HPSE2: variants seen among roughly 807,000 people sequenced by gnomAD.
The protein encoded by HPSE2 is heparanase 2 (inactive).
A neutral mutation model predicts 60.5 loss-of-function variants in HPSE2; 38 were observed. That is an observed-to-expected ratio of 0.63 (90% CI 0.48 to 0.82). HPSE2 has a LOEUF of 0.82. HPSE2 is among the 40% of genes least tolerant of loss of function. HPSE2 has a pLI of 0.00. For missense variants in HPSE2, 713 were observed against 740.4 expected (o/e 0.96, Z 0.43); for synonymous variants, 295 against 293.2 (o/e 1.01, Z -0.06).
intron 9 of HPSE2, among the ~76,000 whole-genome samples, chr10:98,517,733 T>C (rs775689950): frequency 1.3e-5 from 2 of 152,176 alleles, no homozygotes; most frequent in Non-Finnish European, 2.9e-5. Flanking sequence ...TAGAAAAGCA[T>C]GGCGTTTGGA....
chr10:98,580,400 T>A (rs980617487), intron 9 of HPSE2, among the ~76,000 whole-genome samples: 2 of 152,120 alleles, frequency 1.3e-5, no homozygotes, highest in African/African-American at 4.8e-5. Context: ...TAGGGGAACC[T>A]TCTCATCTCC....
chr10:98,667,158 C>A (rs1398267190), intron 6 of HPSE2, among the ~76,000 whole-genome samples: 1 of 152,020 alleles, frequency 6.6e-6, no homozygotes, highest in Non-Finnish European at 1.5e-5. Context: ...CCTCTATGTA[C>A]ACAAAGTAGA....
chr10:98,504,380 A>C (rs1322020699), intron 9 of HPSE2, among the ~76,000 whole-genome samples: 1 of 152,084 alleles, frequency 6.6e-6, no homozygotes, highest in East Asian at 1.9e-4. Flanking sequence ...ACTCTCATTT[A>C]AATTTTTTTC....
intron 2 of HPSE2, among the ~76,000 whole-genome samples, chr10:99,174,727 G>T (rs1351764335): frequency 6.6e-6 from 1 of 152,190 alleles, no homozygotes; most frequent in Non-Finnish European, 1.5e-5. Flanking sequence ...ATTGTATTTG[G>T]AGACAGGGCC....
In HPSE2 at chr10:98,705,667, A is replaced by G. The variant is rs536204645; in HGVS notation, c.957-11720T>C. Among the ~76,000 whole-genome samples the G allele has an allele frequency of 4.4e-4, 67 of 152,272 alleles. 1 individual carries two copies. The highest frequency in any genetic ancestry group is 1.6e-3 in the African/African-American group (67 of 41,568). ...AACTAACACAGGAACAGAAAACCAA[A>G]CACTGCATGTTCTCACTCATAAGTG... is the stretch of plus-strand genomic sequence containing the variant. On this transcript the variant is annotated intron_variant, in intron 5 of 11. Coordinates refer to ENST00000370552, the MANE Select transcript of HPSE2 (RefSeq NM_021828.5).
At chr10:98,680,494 C>T (rs1947756272) in intron 6 of HPSE2, among the ~76,000 whole-genome samples, 4 of 152,144 alleles carry the variant, frequency 2.6e-5, no homozygotes, top group Admixed American at 2.6e-4. Context: ...GGTAAAACTG[C>T]AGGTACCTTA....
the HPSE2 span, among the ~76,000 whole-genome samples, chr10:99,310,976 T>G: frequency 1.3e-5 from 2 of 152,138 alleles, no homozygotes; most frequent in Non-Finnish European, 2.9e-5. Context: ...TCATTTTTAT[T>G]TCTCCTATAA....
At chr10:98,848,993 C>T (rs540930945) in intron 3 of HPSE2, among the ~76,000 whole-genome samples, 15 of 150,682 alleles carry the variant, frequency 1.0e-4, no homozygotes, top group African/African-American at 2.7e-4. Context: ...GCAATTCCAA[C>T]GCCCACAGTC....
the HPSE2 span, among the ~76,000 whole-genome samples, chr10:99,305,939 G>A: frequency 1.6e-5 from 2 of 124,434 alleles, no homozygotes; most frequent in East Asian, 5.4e-4. Context: ...GAAATCAATA[G>A]AAAATATCCA....
intron 2 of HPSE2, among the ~76,000 whole-genome samples, chr10:99,205,803 T>C (rs1848726499): frequency 1.3e-5 from 2 of 152,228 alleles, no homozygotes; most frequent in Admixed American, 6.5e-5. Flanking sequence ...TATTGCTAAG[T>C]AGTAAGTTCA....
At chr10:99,197,375 T>G (rs1205789307) in intron 2 of HPSE2, among the ~76,000 whole-genome samples, 1 of 152,188 alleles carries the variant, frequency 6.6e-6, no homozygotes, top group Non-Finnish European at 1.5e-5. Context: ...GTATGTGGAT[T>G]GTTTGTAACT....
chr10:99,264,514 A>ACTCT, the HPSE2 span, among the ~76,000 whole-genome samples: 1 of 152,160 alleles, frequency 6.6e-6, no homozygotes, highest in African/African-American at 2.4e-5. Context: ...TTTTTAAATG[A>ACTCT]ATAGTGTTGT....
At chr10:99,038,112 T>C (rs1957651652) in intron 3 of HPSE2, among the ~76,000 whole-genome samples, 1 of 152,128 alleles carries the variant, frequency 6.6e-6, no homozygotes, top group African/African-American at 2.4e-5. Context: ...GAAAATAGTT[T>C]GGCAGTTTCT....
chr10:99,160,715 C>T (rs1336254593), intron 2 of HPSE2, among the ~76,000 whole-genome samples: 2 of 151,092 alleles, frequency 1.3e-5, no homozygotes, highest in Admixed American at 6.6e-5. Flanking sequence ...CCGGCTAAAA[C>T]GGTGAAACCC....
the HPSE2 span, among the ~76,000 whole-genome samples, chr10:99,260,699 C>T: frequency 3.3e-5 from 5 of 152,204 alleles, no homozygotes; most frequent in African/African-American, 9.6e-5. Context: ...CTTGGTCATT[C>T]ACCCACATTC....
At chr10:98,540,259 A>G (rs1443537506) in intron 9 of HPSE2, among the ~76,000 whole-genome samples, 2 of 152,212 alleles carry the variant, frequency 1.3e-5, no homozygotes, top group Non-Finnish European at 2.9e-5. Context: ...TTTTTTAGCA[A>G]TAGGGTTCAA....
the HPSE2 span, among the ~76,000 whole-genome samples, chr10:99,306,702 TTTTG>T: frequency 2.2e-4 from 34 of 152,182 alleles, 1 homozygote; most frequent in South Asian, 6.9e-3. Context: ...TCACTTGTTT[TTTTG>T]TTTGTTTGTT....
At chr10:99,266,933 A>AT in the HPSE2 span, among the ~76,000 whole-genome samples, 1 of 152,176 alleles carries the variant, frequency 6.6e-6, no homozygotes, top group East Asian at 1.9e-4. Context: ...AGGAAGCCAC[A>AT]TCCCTAGGGG....
chr10:98,516,423 C>G (rs1046888252), intron 9 of HPSE2, among the ~76,000 whole-genome samples: 1 of 152,120 alleles, frequency 6.6e-6, no homozygotes, highest in Non-Finnish European at 1.5e-5. Context: ...TTTTCTGAAT[C>G]TATAAATAAA....
Sources: allele counts gnomAD v4.1 joint callset (sites outside exome capture counted in the v4.1 genomes callset), GRCh38; gene constraint gnomAD v4.1.1; transcripts MANE v1.5; gene names NCBI Gene and HGNC (gene_info 2026-07-23, HGNC 2026-07-21).